TULP2: variants seen among roughly 807,000 people sequenced by gnomAD.
TULP2 encodes the protein TUB like protein 2.
In TULP2, 64 loss-of-function variants were observed where a neutral mutation model predicts 60.3. The ratio of observed to expected loss-of-function variants is 1.06; its 90% CI spans 0.87 to 1.31. The LOEUF is 1.31. Ranked by LOEUF, TULP2 falls within the 50% of genes most tolerant of loss-of-function variation. The probability of loss-of-function intolerance (pLI) is 0.00; values close to 1 mark genes in which losing one functional copy is unlikely to be tolerated. For synonymous variants in TULP2, 267 were observed against 265.4 expected (o/e 1.01, Z -0.06); for missense variants, 652 against 667.0 (o/e 0.98, Z 0.25).
chr19:48,890,652 T>G (rs1049365426), intron 6 of TULP2, among the ~76,000 whole-genome samples: 26 of 151,760 alleles, frequency 1.7e-4, no homozygotes, highest in African/African-American at 6.3e-4. Context: ...ATCCCAGGAG[T>G]GTGGGACACC....
intron 11 of TULP2, among the ~76,000 whole-genome samples, chr19:48,883,092 G>A (rs1002192653): frequency 3.3e-5 from 5 of 152,118 alleles, no homozygotes; most frequent in East Asian, 1.9e-4. Flanking sequence ...GGTAGCGGGC[G>A]CCTGTAGTCC....
chr19:48,890,599 C>T (rs2037224164), intron 6 of TULP2, among the ~76,000 whole-genome samples: 1 of 152,094 alleles, frequency 6.6e-6, no homozygotes, highest in Non-Finnish European at 1.5e-5. Flanking sequence ...CACCCCTTCA[C>T]CTAAAGGATG....
intron 8 of TULP2, among the ~76,000 whole-genome samples, chr19:48,886,570 G>C (rs1364240189): frequency 6.6e-6 from 1 of 152,028 alleles, no homozygotes; most frequent in African/African-American, 2.4e-5. Context: ...TTTCTAGGGG[G>C]AGAGAGGATA....
intron 12 of TULP2, 86 bp from the exon 13 acceptor site, chr19:48,881,212 T>TTC: frequency 6.4e-6 from 1 of 156,224 alleles, no homozygotes; most frequent in East Asian, 1.4e-4. Flanking sequence ...TTTTTTTTTC[T>TTC]TTTTTTTTTT....
chr19:48,891,755 G>A (rs1301860377), intron 6 of TULP2, among the ~76,000 whole-genome samples: 1 of 152,176 alleles, frequency 6.6e-6, no homozygotes, highest in Non-Finnish European at 1.5e-5. Context: ...CCGCACCAGC[G>A]CTGATCTCTG....
chr19:48,886,238 G>A (rs565233149), intron 8 of TULP2, among the ~76,000 whole-genome samples: 48 of 151,490 alleles, frequency 3.2e-4, no homozygotes, highest in African/African-American at 1.1e-3. Flanking sequence ...CCTGGGAGGC[G>A]GAGCTTGCAG....
chr19:48,883,580 T>TA (rs1483490124), intron 11 of TULP2, among the ~76,000 whole-genome samples, 174 bp downstream of exon 11: 8 of 152,154 alleles, frequency 5.3e-5, no homozygotes, highest in Non-Finnish European at 1.0e-4. Flanking sequence ...TTTGAGTCTC[T>TA]AGTCTTTTAC....
intron 6 of TULP2, among the ~76,000 whole-genome samples, chr19:48,891,317 C>T (rs1228696981): frequency 3.5e-5 from 3 of 86,482 alleles, no homozygotes; most frequent in Middle Eastern, 5.3e-3. Context: ...GGGCGAGACT[C>T]CGTCTCAAAA....
At position 48,897,089 on chromosome 19, in the gene TULP2, C is replaced by T. The variant is rs144727034; in HGVS notation, c.84+256G>A. ...TGTGTTAGTAGAGACGGGGTTTCGC[C>T]GTGTTGGCCAGGCTTGTCTTGAACT... On this transcript the variant is annotated intron_variant, in intron 3 of 12. Transcript: ENST00000221399. This position sits in a 1 kb window ranked among gnomAD's most constrained non-coding sequence, Gnocchi z 4.0. Among the ~76,000 whole-genome samples the T allele has an allele frequency of 3.4e-3, 523 of 152,130 alleles. 4 individuals carry two copies. The highest frequency in any genetic ancestry group is 5.8e-3 in the Non-Finnish European group (392 of 67,984).
At chr19:48,886,767 A>AC (rs767691745) in intron 8 of TULP2, among the ~76,000 whole-genome samples, 2 of 140,204 alleles carry the variant, frequency 1.4e-5, no homozygotes, top group African/African-American at 5.2e-5. Flanking sequence ...GGTCCAGACT[A>AC]TTTTTTTTTT....
intron 3 of TULP2, 77 bp from the exon 4 acceptor site, chr19:48,896,633 G>A (rs576969437): frequency 2.7e-4 from 395 of 1,473,656 alleles, no homozygotes; most frequent in Middle Eastern, 1.2e-3. Context: ...CCTGGGGCAA[G>A]GGCTCGCATC....
chr19:48,893,829 C>T (rs937744037), intron 6 of TULP2, among the ~76,000 whole-genome samples: 2 of 152,172 alleles, frequency 1.3e-5, no homozygotes, highest in African/African-American at 4.8e-5. Flanking sequence ...GCTGGGATTA[C>T]AGGCGTGAGC....
chr19:48,891,841 T>C (rs138577862), intron 6 of TULP2, among the ~76,000 whole-genome samples: 12,859 of 152,078 alleles, frequency 0.085, 1,730 homozygotes, highest in African/African-American at 0.29. Context: ...AGGGTGATGG[T>C]GGGGAGAGGG....
In TULP2 at chr19:48,895,021, C is replaced by A. The variant is rs1338960457; in HGVS notation, c.491G>T (p.Gly164Val). ...ACCAGGTCGTTGGTGGGCTTGCCAA[C>A]CCTTGCGTCGGATTCTCGGAGACTG... Reference protein sequence around the residue: ...FKQSPRIRRKGWQAHQRPGTR... With the variant: ...FKQSPRIRRKVWQAHQRPGTR... Residue 164 changes from glycine (G) to valine (V), a missense_variant, in exon 6 of 13, where the codon GGT becomes GTT. By Grantham distance (109) the Gly-to-Val change is moderately radical. Transcript: ENST00000221399. The A allele has an allele frequency of 2.3e-5, 37 of 1,613,492 alleles. No homozygotes were observed. The highest frequency in any genetic ancestry group is 3.0e-5 in the Non-Finnish European group (35 of 1,179,900).
At chr19:48,883,646 C>G (rs1240884623) in intron 11 of TULP2, 108 bp downstream of exon 11, 2 of 1,224,090 alleles carry the variant, frequency 1.6e-6, no homozygotes, top group East Asian at 4.7e-5. Flanking sequence ...ACACCTGCAA[C>G]CCACTGGCCT....
Position 48,884,114 on chromosome 19 carries a change from C to T in TULP2, c.1062-68G>A, listed in dbSNP as rs891113404. 8.0e-6 allele frequency: 10 copies of T among 1,252,898 alleles called. No homozygotes were observed. The African/African-American group carries it at 1.3e-4, about 17-fold the overall frequency. The allele number at this position is 1,252,898 out of a possible 1,614,324, so 77.6% of individuals were successfully genotyped here. On this transcript the variant is annotated intron_variant, in intron 9 of 12. Coordinates refer to ENST00000221399, the MANE Select transcript of TULP2 (RefSeq NM_003323.3). ...TACTCTTTGAGTAAGTGTCACTCAT[C>T]GCATCGACTCTTCCCATCAATCCCC... is the stretch of plus-strand genomic sequence containing the variant.
intron 9 of TULP2, 51 bp from the exon 10 acceptor site, chr19:48,884,097 GAGTA>G (rs2037158943): frequency 2.0e-6 from 3 of 1,470,274 alleles, no homozygotes; most frequent in Admixed American, 1.7e-5. Flanking sequence ...GTTACTCTTT[GAGTA>G]AGTGTCACTC....
In TULP2 at chr19:48,888,918, G is replaced by A. The variant is rs185901895; in HGVS notation, c.636+592C>T. ...ATTACAGGCGTGAGTCACCGTTCCT[G>A]GCCTGCAACTGGCCCTTTTCGATCA... is the stretch of plus-strand genomic sequence containing the variant. On this transcript the variant is annotated intron_variant, in intron 7 of 12. Coordinates refer to ENST00000221399, the MANE Select transcript of TULP2 (RefSeq NM_003323.3). 2.2e-3 allele frequency among the ~76,000 whole-genome samples: 319 copies of A among 147,488 alleles called. 3 individuals carry two copies. The highest frequency in any genetic ancestry group is 7.4e-3 in the African/African-American group (294 of 39,952).
At chr19:48,892,937 A>AT (rs1452361616) in intron 6 of TULP2, among the ~76,000 whole-genome samples, 1 of 152,126 alleles carries the variant, frequency 6.6e-6, no homozygotes, top group Non-Finnish European at 1.5e-5. Context: ...AAAAAAAAAA[A>AT]ATCATTAGGT....
Sources: allele counts gnomAD v4.1 joint callset (sites outside exome capture counted in the v4.1 genomes callset), GRCh38; gene constraint gnomAD v4.1.1; non-coding constraint Gnocchi (gnomAD v3.1); transcripts MANE v1.5; gene names NCBI Gene and HGNC (gene_info 2026-07-23, HGNC 2026-07-21).